TRPM8: variants seen among roughly 807,000 people sequenced by gnomAD.
The protein encoded by TRPM8 is TRPM8 cationic channel.
In TRPM8, 110 loss-of-function variants were observed where a neutral mutation model predicts 133.7. The ratio of observed to expected loss-of-function variants is 0.82; its 90% CI spans 0.70 to 0.96. The LOEUF is 0.96. TRPM8 is among the 40% of genes least tolerant of loss of function. The pLI, the probability that TRPM8 is intolerant of heterozygous loss-of-function variation, is 0.00. For synonymous variants in TRPM8, 535 were observed against 532.3 expected, an observed-to-expected ratio of 1.01 and a Z score of -0.07; for missense variants, 1,291 against 1,379.5, an observed-to-expected ratio of 0.94 and a Z score of 1.02.
intron 21 of TRPM8, among the ~76,000 whole-genome samples, chr2:233,991,903 T>C (rs1256601814): frequency 1.3e-5 from 2 of 152,206 alleles, no homozygotes. Context: ...CCAAAAATTC[T>C]TGTGAATATT....
intron 4 of TRPM8, among the ~76,000 whole-genome samples, chr2:233,937,785 T>C (rs567209597): frequency 6.5e-4 from 99 of 152,308 alleles, no homozygotes; most frequent in Non-Finnish European, 1.3e-3. Flanking sequence ...CCTTGAGCCC[T>C]ACTGCTACTG....
At chr2:234,001,922 T>C (rs1692575735) in intron 22 of TRPM8, among the ~76,000 whole-genome samples, 1 of 152,078 alleles carries the variant, frequency 6.6e-6, no homozygotes, top group Non-Finnish European at 1.5e-5. Context: ...TAGTGGGCCC[T>C]GGGGATTTGG....
chr2:233,985,717 T>C lies in TRPM8; in HGVS notation c.2791T>C (p.Phe931Leu), dbSNP rs1692128823. 25 of 1,614,192 alleles carry C rather than the reference T, an allele frequency of 1.5e-5. No individual in the cohort carries two copies. Among genetic ancestry groups the C allele is most frequent in the Non-Finnish European group, 2.0e-5 (24 of 1,180,030 alleles). Residue 931 changes from phenylalanine (F) to leucine (L), a missense_variant, in exon 21 of 26, where the codon TTC becomes CTC. By Grantham distance (22) the Phe-to-Leu change is conservative. Around this residue, in one of 2 missense-constraint regions of TRPM8, gnomAD observed 328 missense variants for 410.6 expected, o/e 0.80. Transcript: ENST00000324695. The stretch of plus-strand genomic sequence containing the variant: ...CACGTATGACTTTGCCCACTGCACC[T>C]TCACTGGGAATGAGTCCAAGCCACT... ...GTTYDFAHCT[F>L]TGNESKPLCV...
At chr2:233,947,703 T>C (rs1290472972) in intron 8 of TRPM8, 1 of 893,072 alleles carries the variant, frequency 1.1e-6, no homozygotes, top group African/African-American at 1.7e-5. Flanking sequence ...AGCCAATCTG[T>C]ATGGACTCAT....
intron 23 of TRPM8, 66 bp downstream of exon 23, chr2:234,007,018 GC>G: frequency 1.6e-6 from 2 of 1,261,434 alleles, no homozygotes. Flanking sequence ...TAGAACGTAG[GC>G]AGCTTATTTG....
intron 1 of TRPM8, among the ~76,000 whole-genome samples, chr2:233,923,411 A>G (rs1040171951): frequency 6.6e-6 from 1 of 152,182 alleles, no homozygotes; most frequent in African/African-American, 2.4e-5. Context: ...TCCTCTAGCA[A>G]TGGCCACAGC....
intron 17 of TRPM8, among the ~76,000 whole-genome samples, chr2:233,978,742 A>G (rs1428664151): frequency 6.6e-6 from 1 of 152,176 alleles, no homozygotes; most frequent in African/African-American, 2.4e-5. Context: ...CTGAATAAAA[A>G]AGAGAGAGAG....
At chr2:234,006,074 G>A (rs1692688238) in intron 22 of TRPM8, among the ~76,000 whole-genome samples, 1 of 151,962 alleles carries the variant, frequency 6.6e-6, no homozygotes. Context: ...ACTCTAACAT[G>A]TTGATGAATA....
At chr2:233,946,202 T>G in intron 7 of TRPM8, 172 bp downstream of exon 7, 3 of 647,382 alleles carry the variant, frequency 4.6e-6, no homozygotes, top group Admixed American at 2.9e-5. Flanking sequence ...TCAGGAATGC[T>G]TCTGCCAGGG....
Position 233,947,100 on chromosome 2 carries a change from G to C in TRPM8, c.887G>C (p.Gly296Ala). 1 of 1,614,004 alleles carries C rather than the reference G, an allele frequency of 6.2e-7. No individual in the cohort carries two copies. The highest frequency in any genetic ancestry group is 8.5e-7 in the Non-Finnish European group (1 of 1,179,926). ...TTATATTTTACAGATTCCAACTATG[G>C]TGGCAAGATCCCCATTGTGTGTTTT... ...SERTIQDSNY[G>A]GKIPIVCFAQ... is the part of the protein sequence containing the mutation. The change falls in exon 8 of 26, where the codon GGT becomes GCT. Residue 296 changes from glycine to alanine, a missense_variant. Transcript: ENST00000324695.
At chr2:233,961,235 G>T (rs1417068861) in intron 12 of TRPM8, among the ~76,000 whole-genome samples, 169 bp downstream of exon 12, 2 of 152,004 alleles carry the variant, frequency 1.3e-5, no homozygotes, top group Non-Finnish European at 2.9e-5. Context: ...CTGTCTATAG[G>T]GTGAGTCTCT....
intron 10 of TRPM8, 33 bp from the exon 11 acceptor site, chr2:233,955,099 T>C (rs1476784211): frequency 6.6e-7 from 1 of 1,523,150 alleles, no homozygotes; most frequent in African/African-American, 1.4e-5. Context: ...TCTGAGCCTT[T>C]GGTGAGTTGA....
chr2:233,994,436 C>G (rs1692354743), intron 21 of TRPM8, among the ~76,000 whole-genome samples: 1 of 152,166 alleles, frequency 6.6e-6, no homozygotes, highest in Non-Finnish European at 1.5e-5. Flanking sequence ...GATCAGTCAA[C>G]CAACCAATTT....
Position 233,960,899 on chromosome 2 carries a change from C to CTCT in TRPM8, c.1490_1492dup (p.Phe497dup), listed in dbSNP as rs764343647. ...TCTCACCCATGATGTCCTCACTGAA[C>CTCT]TCTTCTCCAACCACTTCAGCACGCT... On this transcript the variant is annotated inframe_insertion, in exon 12 of 26. Transcript: ENST00000324695. 2 of 1,614,218 alleles carry CTCT rather than the reference C, an allele frequency of 1.2e-6. No homozygotes were observed. Among genetic ancestry groups the CTCT allele is most frequent in the Non-Finnish European group, 1.7e-6 (2 of 1,180,052 alleles).
At chr2:234,008,401 G>A (rs1692750004) in intron 24 of TRPM8, among the ~76,000 whole-genome samples, 1 of 152,240 alleles carries the variant, frequency 6.6e-6, no homozygotes, top group Middle Eastern at 3.4e-3. Flanking sequence ...ACAATTATAG[G>A]GAACATAAGG....
At chr2:233,990,598 G>T (rs1322986382) in intron 21 of TRPM8, among the ~76,000 whole-genome samples, 2 of 152,142 alleles carry the variant, frequency 1.3e-5, no homozygotes. Flanking sequence ...CTATTATAAT[G>T]AGCACAGGTC....
At chr2:234,000,532 A>G (rs945446150) in intron 22 of TRPM8, among the ~76,000 whole-genome samples, 1 of 152,166 alleles carries the variant, frequency 6.6e-6, no homozygotes, top group African/African-American at 2.4e-5. Flanking sequence ...GTCAGGGAGG[A>G]AAAATATCTT....
At position 233,937,356 on chromosome 2, in the gene TRPM8, G is replaced by T; in HGVS notation, c.195G>T (p.Glu65Asp). 1 of 1,614,084 alleles carries T rather than the reference G, an allele frequency of 6.2e-7. No individual in the cohort carries two copies. The highest frequency in any genetic ancestry group is 8.5e-7 in the Non-Finnish European group (1 of 1,180,008). ...TCCACACCATCGTGCTTATCAGGGA[G>T]AATGTGTGCAAGTGTGGCTATGCCC... is the stretch of plus-strand genomic sequence containing the variant. ...VFFTKDSKAT[E>D]NVCKCGYAQS... The change falls in exon 4 of 26, where the codon GAG becomes GAT. Residue 65 changes from glutamate (E) to aspartate (D), a missense_variant. By Grantham distance (45) the Glu-to-Asp change is conservative (BLOSUM62 2). This residue lies in a region of TRPM8 where 963 missense variants were observed against 968.9 expected (regional missense o/e 0.99). Coordinates refer to ENST00000324695, the MANE Select transcript of TRPM8 (RefSeq NM_024080.5).
In TRPM8 at chr2:233,954,511, C is replaced by T. The variant is rs528549937; in HGVS notation, c.1243+492C>T. Among the ~76,000 whole-genome samples, 4 of 152,188 alleles carry T rather than the reference C, an allele frequency of 2.6e-5. No individual in the cohort carries two copies. In the South Asian group the frequency reaches 6.2e-4, roughly 24 times the overall value. ...CATGATCTTTGCTGCTTTAGAATTC[C>T]GTAAAGTGGATGTTACCCATAGTAA... On this transcript the variant is annotated intron_variant, in intron 10 of 25. Transcript: ENST00000324695.
Sources: allele counts gnomAD v4.1 joint callset (sites outside exome capture counted in the v4.1 genomes callset), GRCh38; gene constraint gnomAD v4.1.1; regional missense constraint gnomAD v4.1.1; transcripts MANE v1.5; gene names NCBI Gene and HGNC (gene_info 2026-07-23, HGNC 2026-07-21).